SHISA6: variants seen among roughly 807,000 people sequenced by gnomAD.
SHISA6 encodes the protein shisa family member 6.
In SHISA6, 22 loss-of-function variants were observed where a neutral mutation model predicts 47.9. That is an observed-to-expected ratio of 0.46 (90% confidence interval 0.33 to 0.66). SHISA6 has a LOEUF of 0.66. Ranked by LOEUF, SHISA6 falls within the 30% of genes least tolerant of loss-of-function variation. The probability of loss-of-function intolerance (pLI) is 0.02; values close to 1 mark genes in which losing one functional copy is unlikely to be tolerated. For synonymous variants in SHISA6, 388 were observed against 337.8 expected (o/e 1.15, Z -1.63); for missense variants, 680 against 764.6 (o/e 0.89, Z 1.30).
In SHISA6 at chr17:11,241,638, C is replaced by T. The variant is rs1167882722; in HGVS notation, c.216C>T (p.Ser72=). The T allele has an allele frequency of 8.9e-6, 12 of 1,354,454 alleles. No individual in the cohort carries two copies. Among genetic ancestry groups the T allele is most frequent in the African/African-American group, 4.6e-5 (3 of 64,858 alleles). 83.9% of individuals were successfully genotyped at this position (1,354,454 alleles called of 1,614,324 possible). A position where few individuals can be genotyped will look rare whatever the true frequency, so the allele number is the denominator to read the frequency against. ...CGCCCGGAATCCCGGAGGCGGGAAG[C>T]CGGCGGGGGCAGCCCGCGGCGGCTG... ...ARAPGIPEAG[S]RRGQPAAAVA... Residue 72 remains serine, a synonymous_variant, in exon 1 of 6, where the codon AGC becomes AGT. Transcript: ENST00000441885. This position sits in a 1 kb window ranked among gnomAD's most constrained non-coding sequence, Gnocchi z 5.5.
rs74459847 is a variant in SHISA6 at position 11,255,515 on chromosome 17, C to T, written c.639-7851C>T. ...GTGAATACCTTCATTTGCAGCGGGG[C>T]TTCATCTGGATACTTCTTTGCAGGC... On this transcript the variant is annotated intron_variant, in intron 1 of 5. Coordinates refer to ENST00000441885, the MANE Select transcript of SHISA6 (RefSeq NM_207386.4). 1.4e-3 allele frequency among the ~76,000 whole-genome samples: 218 copies of T among 152,292 alleles called. 2 individuals carry two copies. The highest frequency in any genetic ancestry group is 5.0e-3 in the African/African-American group (209 of 41,572).
chr17:11,551,918 G>C lies in SHISA6; in HGVS notation c.918G>C (p.Pro306=), dbSNP rs111817876. 1.2e-5 allele frequency: 18 copies of C among 1,551,584 alleles called. No homozygotes were observed. In the African/African-American group the frequency reaches 1.2e-4, roughly 11 times the overall value. The part of the protein sequence containing the change: ...HTKGDHQYNH[P]ILSSVTQIPP... ...CAGGTGATCATCAATATAACCATCC[G>C]ATTTTGAGCAGTGTTACCCAGATCC... The change falls in exon 4 of 6, where the codon CCG becomes CCC. Residue 306 remains proline (P), a synonymous_variant. Coordinates refer to ENST00000441885, the MANE Select transcript of SHISA6 (RefSeq NM_207386.4).
At chr17:11,304,817 G>A (rs531579484) in intron 2 of SHISA6, among the ~76,000 whole-genome samples, 1 of 152,234 alleles carries the variant, frequency 6.6e-6, no homozygotes, top group Admixed American at 6.5e-5. Flanking sequence ...CTGGGGATGA[G>A]GGCTCGGTGC....
At chr17:11,294,940 A>G (rs1210193410) in intron 2 of SHISA6, among the ~76,000 whole-genome samples, 1 of 152,162 alleles carries the variant, frequency 6.6e-6, no homozygotes, top group East Asian at 1.9e-4. Context: ...TGTGCTTTGG[A>G]ACCATTAAGA....
intron 3 of SHISA6, among the ~76,000 whole-genome samples, chr17:11,401,835 T>C (rs1439912574): frequency 6.6e-6 from 1 of 152,208 alleles, no homozygotes; most frequent in African/African-American, 2.4e-5. Context: ...TGGAGTGATA[T>C]GCTGTAGTCT....
At chr17:11,245,959 G>T (rs2142132603) in intron 1 of SHISA6, among the ~76,000 whole-genome samples, 1 of 152,308 alleles carries the variant, frequency 6.6e-6, no homozygotes, top group Middle Eastern at 3.4e-3. Flanking sequence ...CCACATAACT[G>T]CAGTGGCAGG....
At chr17:11,296,557 GA>G (rs1909757241) in intron 2 of SHISA6, among the ~76,000 whole-genome samples, 1 of 152,166 alleles carries the variant, frequency 6.6e-6, no homozygotes, top group African/African-American at 2.4e-5. Flanking sequence ...CTGGATGCTG[GA>G]AATGAAGACT....
intron 2 of SHISA6, among the ~76,000 whole-genome samples, chr17:11,349,920 C>G (rs72807111): frequency 6.6e-6 from 1 of 152,040 alleles, no homozygotes; most frequent in East Asian, 2.0e-4. Flanking sequence ...TGTTAATAAA[C>G]GTTAAGGGGA....
At chr17:11,370,159 T>A (rs1416125581) in intron 2 of SHISA6, among the ~76,000 whole-genome samples, 4 of 152,188 alleles carry the variant, frequency 2.6e-5, no homozygotes, top group Admixed American at 1.3e-4. Flanking sequence ...CCTCTTAAGA[T>A]CACCACCATC....
chr17:11,271,499 G>A lies in SHISA6; in HGVS notation c.799+7973G>A, dbSNP rs142447476. On this transcript the variant is annotated intron_variant, in intron 2 of 5. Coordinates refer to ENST00000441885, the MANE Select transcript of SHISA6 (RefSeq NM_207386.4). ...GTCACCCAGGCTGGAGTGCAGTGGC[G>A]TGATCTCAGCTAACTGCTATCTCTG... Among the ~76,000 whole-genome samples the A allele has an allele frequency of 5.0e-3, 760 of 151,832 alleles. 6 individuals carry two copies. The highest frequency in any genetic ancestry group is 0.017 in the African/African-American group (705 of 41,282).
At chr17:11,433,233 G>GC (rs1037674376) in intron 3 of SHISA6, among the ~76,000 whole-genome samples, 3 of 151,760 alleles carry the variant, frequency 2.0e-5, no homozygotes, top group African/African-American at 7.3e-5. Context: ...CCTCCCCCTA[G>GC]CCCCCCACCC....
chr17:11,401,885 G>T (rs1913784932), intron 3 of SHISA6, among the ~76,000 whole-genome samples: 2 of 152,116 alleles, frequency 1.3e-5, no homozygotes, highest in Admixed American at 1.3e-4. Flanking sequence ...TCTTTCTCCA[G>T]ATTTATAAAC....
At position 11,525,659 on chromosome 17, in the gene SHISA6, A is replaced by C. The variant is rs544190041; in HGVS notation, c.896-26237A>C. 4.0e-5 allele frequency among the ~76,000 whole-genome samples: 6 copies of C among 148,760 alleles called. 1 individual carries two copies. Among genetic ancestry groups the C allele is most frequent in the South Asian group, 2.1e-4 (1 of 4,758 alleles). Reference sequence around the variant, plus strand: ...AAAAAAAAAAAAAAAAAACAAAAAAAAAAAAACGTGTTATAATAAACAAGA... The same window carrying C: ...AAAAAAAAAAAAAAAAAACAAAAAACAAAAAACGTGTTATAATAAACAAGA... On this transcript the variant is annotated intron_variant, in intron 3 of 5. Transcript: ENST00000441885.
chr17:11,339,762 G>A (rs1460732834), intron 2 of SHISA6, among the ~76,000 whole-genome samples: 1 of 152,192 alleles, frequency 6.6e-6, no homozygotes, highest in Non-Finnish European at 1.5e-5. Flanking sequence ...GAGCCCAGGG[G>A]AGGATTCCCT....
chr17:11,282,547 C>G (rs1009378154), intron 2 of SHISA6, among the ~76,000 whole-genome samples: 4 of 152,284 alleles, frequency 2.6e-5, no homozygotes, highest in South Asian at 2.1e-4. Context: ...ATCCCTCCCC[C>G]AGTCCCCCAC....
Position 11,241,301 on chromosome 17 carries a change from C to T in SHISA6, c.-122C>T, listed in dbSNP as rs1165485127. The T allele has an allele frequency of 7.2e-6, 4 of 551,980 alleles. No homozygotes were observed. The highest frequency in any genetic ancestry group is 9.2e-6 in the Non-Finnish European group (4 of 435,084). 34.2% of individuals were successfully genotyped at this position (551,980 alleles called of 1,614,324 possible). A position where few individuals can be genotyped will look rare whatever the true frequency, so the allele number is the denominator to read the frequency against. On this transcript the variant is annotated 5_prime_UTR_variant, in exon 1 of 6. Coordinates refer to ENST00000441885, the MANE Select transcript of SHISA6 (RefSeq NM_207386.4). This position sits in a 1 kb window ranked among gnomAD's most constrained non-coding sequence, Gnocchi z 5.5. ...GCCCGCGCCTCGATGGCGCCATCGC[C>T]CCGGAGCCGCTGACCGCTCAGCGCC...
chr17:11,431,009 G>A (rs1914757201), intron 3 of SHISA6, among the ~76,000 whole-genome samples: 1 of 152,182 alleles, frequency 6.6e-6, no homozygotes, highest in African/African-American at 2.4e-5. Context: ...TCACTGGGCT[G>A]GGGACTGGTT....
rs368665842 is a variant in SHISA6, at chr17:11,476,311, TCTTTA to T, written c.896-75581_896-75577del. On this transcript the variant is annotated intron_variant, in intron 3 of 5. Coordinates refer to ENST00000441885, the MANE Select transcript of SHISA6 (RefSeq NM_207386.4). ...TATTTCTGCTCTATTTTTTATTGCTTCTTTACTTCTGTTCATTTTGGAGTTAATTT... is the reference window on the plus strand; with the variant it reads ...TATTTCTGCTCTATTTTTTATTGCTTCTTCTGTTCATTTTGGAGTTAATTT... Among the ~76,000 whole-genome samples, 478 of 152,184 alleles carry T rather than the reference TCTTTA, an allele frequency of 3.1e-3. 2 individuals are homozygous for T. Among genetic ancestry groups the T allele is most frequent in the African/African-American group, 0.011 (458 of 41,574 alleles).
intron 2 of SHISA6, among the ~76,000 whole-genome samples, chr17:11,341,739 G>A (rs185453260): frequency 5.6e-4 from 85 of 152,050 alleles, no homozygotes; most frequent in Non-Finnish European, 1.1e-3. Flanking sequence ...CTGGCTGCAG[G>A]GTGCTCTTGC....
Sources: gnomAD v4.1 joint callset for allele counts (sites outside exome capture counted in the v4.1 genomes callset) on GRCh38, gnomAD v4.1.1 for gene constraint, Gnocchi (gnomAD v3.1) non-coding constraint, MANE v1.5 for transcripts, NCBI Gene and HGNC (gene_info 2026-07-23, HGNC 2026-07-21) for gene names.